The following DMXL2 variants were observed in gnomAD, a reference collection of about 807,000 sequenced individuals.
DMXL2 encodes the protein dmX-like protein 2.
DMXL2 carries 103 observed loss-of-function variants against 331.1 expected under a neutral mutation model. The ratio of observed to expected loss-of-function variants is 0.31; its 90% CI spans 0.27 to 0.37. The LOEUF (loss-of-function observed/expected upper bound fraction) is 0.37. Among genes scored for constraint, DMXL2 ranks in the 10% least tolerant of loss-of-function variants. The pLI is 1.00. For synonymous variants in DMXL2, 1,281 were observed against 1,252.1 expected (o/e 1.02, Z -0.49); for missense variants, 3,171 against 3,642.9 (o/e 0.87, Z 3.33).
At chr15:51,560,323 G>A (rs1031290676) in intron 6 of DMXL2, among the ~76,000 whole-genome samples, 1 of 151,918 alleles carries the variant, frequency 6.6e-6, no homozygotes, top group East Asian at 1.9e-4. Flanking sequence ...ATCCAACTGG[G>A]GGAGGAGTAG....
chr15:51,572,687 C>A (rs1245576003), intron 2 of DMXL2, among the ~76,000 whole-genome samples: 6 of 152,164 alleles, frequency 3.9e-5, no homozygotes, highest in Non-Finnish European at 8.8e-5. Flanking sequence ...ACAAAAACCA[C>A]ATGATTATCT....
intron 3 of DMXL2, 109 bp from the exon 4 acceptor site, chr15:51,565,275 C>A (rs1425133404): frequency 3.3e-6 from 2 of 608,230 alleles, no homozygotes; most frequent in African/African-American, 1.9e-5. Context: ...ACTTTAAGAT[C>A]TGGAACAAAG....
intron 1 of DMXL2, among the ~76,000 whole-genome samples, chr15:51,614,874 G>A (rs1426027461): frequency 6.6e-6 from 1 of 152,134 alleles, no homozygotes; most frequent in Non-Finnish European, 1.5e-5. Context: ...CTACTATGTT[G>A]AAAATAAACT....
intron 31 of DMXL2, 44 bp from the exon 32 acceptor site, chr15:51,464,920 C>A: frequency 1.4e-6 from 2 of 1,449,922 alleles, no homozygotes; most frequent in South Asian, 2.5e-5. Flanking sequence ...TAAAAAATAT[C>A]GATCATCACC....
rs187006035 is a variant in DMXL2, at chr15:51,607,905, C to T, written c.87+14554G>A. Among the ~76,000 whole-genome samples the T allele has an allele frequency of 5.3e-5, 8 of 152,220 alleles. No homozygotes were observed. The East Asian group carries it at 1.5e-3, about 29-fold the overall frequency. ...GCAAAACGGCCTTTCAAGAATGAAACAAAATAGGCTGGGCTCACACCTGTA... is the reference window on the plus strand; with the variant it reads ...GCAAAACGGCCTTTCAAGAATGAAATAAAATAGGCTGGGCTCACACCTGTA... On this transcript the variant is annotated intron_variant, in intron 1 of 43. Coordinates refer to ENST00000560891, the MANE Select transcript of DMXL2 (RefSeq NM_001378457.1).
chr15:51,547,066 TTA>T (rs2048928871), intron 7 of DMXL2, among the ~76,000 whole-genome samples, 162 bp downstream of exon 7: 1 of 152,100 alleles, frequency 6.6e-6, no homozygotes, highest in Non-Finnish European at 1.5e-5. Context: ...CTTAAGAAAT[TTA>T]GTCAAAAACT....
At position 51,566,135 on chromosome 15, in the gene DMXL2, T is replaced by A. The variant is rs1462762578; in HGVS notation, c.286-969A>T. 3.9e-5 allele frequency among the ~76,000 whole-genome samples: 6 copies of A among 152,060 alleles called. No individual in the cohort carries two copies. The South Asian group carries it at 1.0e-3, about 26-fold the overall frequency. On this transcript the variant is annotated intron_variant, in intron 3 of 43. Coordinates refer to ENST00000560891, the MANE Select transcript of DMXL2 (RefSeq NM_001378457.1). ...GAGGCAGAAGGATCACTTTAGCCCATGAGTTTGAGGTTATAGTGAGCTATG... is the reference window on the plus strand; with the variant it reads ...GAGGCAGAAGGATCACTTTAGCCCAAGAGTTTGAGGTTATAGTGAGCTATG...
At chr15:51,555,587 TA>T (rs996316551) in intron 6 of DMXL2, among the ~76,000 whole-genome samples, 3 of 151,814 alleles carry the variant, frequency 2.0e-5, no homozygotes, top group African/African-American at 7.3e-5. Flanking sequence ...TTTAGGGCAG[TA>T]AAAAGACCTA....
At chr15:51,461,527 GAAT>G (rs1378562784) in intron 33 of DMXL2, among the ~76,000 whole-genome samples, 5 of 152,160 alleles carry the variant, frequency 3.3e-5, no homozygotes, top group Non-Finnish European at 7.4e-5. Context: ...GGTTTTCTGT[GAAT>G]AACAGAGCCC....
intron 10 of DMXL2, 152 bp downstream of exon 10, chr15:51,538,061 C>A: frequency 9.9e-7 from 1 of 1,011,080 alleles, no homozygotes; most frequent in South Asian, 1.7e-5. Flanking sequence ...TAGCAGAGTA[C>A]CTGATCCAAG....
At chr15:51,571,789 G>A (rs1438728703) in intron 2 of DMXL2, among the ~76,000 whole-genome samples, 2 of 152,188 alleles carry the variant, frequency 1.3e-5, no homozygotes, top group African/African-American at 4.8e-5. Context: ...TCAAAGCAGT[G>A]TGTAGAGGGA....
At position 51,498,785 on chromosome 15, in the gene DMXL2, T is replaced by A; in HGVS notation, c.4439A>T (p.Asp1480Val). 1 of 1,614,184 alleles carries A rather than the reference T, an allele frequency of 6.2e-7. No homozygotes were observed. The highest frequency in any genetic ancestry group is 8.5e-7 in the Non-Finnish European group (1 of 1,180,026). Residue 1480 changes from aspartate to valine, a missense_variant, in exon 18 of 44, where the codon GAT becomes GTT. This residue lies in a region of DMXL2 where 1,674 missense variants were observed against 1,780.2 expected (regional missense o/e 0.94). Transcript: ENST00000560891. ...ELFQIQDIPT[D>V]DIDLEPEKRE... ...CTTTTCAGGCTCTAAATCAATATCA[T>A]CCGTTGGTATATCCTGGATTTGAAA...
chr15:51,477,589 A>C (rs374097367), intron 26 of DMXL2, among the ~76,000 whole-genome samples: 51 of 152,090 alleles, frequency 3.4e-4, no homozygotes, highest in Non-Finnish European at 3.8e-4. Flanking sequence ...TACAAGAAAG[A>C]AAGCCAGAAA....
intron 10 of DMXL2, among the ~76,000 whole-genome samples, 164 bp from the exon 11 acceptor site, chr15:51,537,923 T>G (rs1021717042): frequency 1.3e-5 from 2 of 152,178 alleles, no homozygotes; most frequent in Non-Finnish European, 2.9e-5. Context: ...GTTACTACAG[T>G]TACTACTTTT....
Position 51,481,096 on chromosome 15 carries a change from T to C in DMXL2, c.6010A>G (p.Arg2004Gly), listed in dbSNP as rs921299344. 1.6e-5 allele frequency: 26 copies of C among 1,613,392 alleles called. No individual in the cohort carries two copies. The highest frequency in any genetic ancestry group is 2.1e-5 in the Non-Finnish European group (25 of 1,179,580). Residue 2004 changes from arginine to glycine, a missense_variant, in exon 24 of 44, where the codon AGG becomes GGG. Coordinates refer to ENST00000560891, the MANE Select transcript of DMXL2 (RefSeq NM_001378457.1). ...VGLVMKSTDAREKDKQSDQKA... is the reference protein window; with the variant it reads ...VGLVMKSTDAGEKDKQSDQKA... ...TGATCTGATTGTTTATCTTTTTCCC[T>C]GGCATCTGTACTTTTCATCACTAAA...
At chr15:51,484,237 C>T (rs1462855769) in intron 23 of DMXL2, among the ~76,000 whole-genome samples, 3 of 152,242 alleles carry the variant, frequency 2.0e-5, no homozygotes, top group African/African-American at 4.8e-5. Context: ...GCAGGCACAC[C>T]TCCAGGCTGG....
At chr15:51,507,062 A>T in intron 16 of DMXL2, 72 bp downstream of exon 16, 1 of 1,235,322 alleles carries the variant, frequency 8.1e-7, no homozygotes, top group Non-Finnish European at 1.1e-6. Context: ...TTACAGAATT[A>T]ACCAAAGTAA....
At chr15:51,588,526 T>C (rs974097579) in intron 1 of DMXL2, among the ~76,000 whole-genome samples, 19 of 152,208 alleles carry the variant, frequency 1.2e-4, no homozygotes, top group Non-Finnish European at 4.4e-5. Flanking sequence ...ATTTGAAAGT[T>C]TTAAAGTTAA....
intron 17 of DMXL2, among the ~76,000 whole-genome samples, chr15:51,501,018 A>T (rs1480777823): frequency 1.3e-5 from 2 of 152,210 alleles, no homozygotes; most frequent in Non-Finnish European, 2.9e-5. Context: ...TACTATTGTC[A>T]AATAAGACAT....
Sources: allele counts gnomAD v4.1 joint callset (sites outside exome capture counted in the v4.1 genomes callset), GRCh38; gene constraint gnomAD v4.1.1; regional missense constraint gnomAD v4.1.1; transcripts MANE v1.5; gene names NCBI Gene and HGNC (gene_info 2026-07-23, HGNC 2026-07-21).